ABHD18: variants seen among roughly 807,000 people sequenced by gnomAD.
ABHD18 encodes the protein abhydrolase domain containing 18.
A neutral mutation model predicts 65.9 loss-of-function variants in ABHD18; 55 were observed. That is an observed-to-expected ratio of 0.84 (90% CI 0.67 to 1.05). The LOEUF (loss-of-function observed/expected upper bound fraction) is 1.05. Among genes scored for constraint, ABHD18 ranks in the 50% least tolerant of loss-of-function variants. The pLI, the probability that ABHD18 is intolerant of heterozygous loss-of-function variation, is 0.00. For synonymous variants in ABHD18, 181 were observed against 180.2 expected, an observed-to-expected ratio of 1.00 and a Z score of -0.04; for missense variants, 533 against 558.5, an observed-to-expected ratio of 0.95 and a Z score of 0.46.
chr4:128,002,840 C>T (rs544542097), intron 4 of ABHD18, among the ~76,000 whole-genome samples: 95 of 144,768 alleles, frequency 6.6e-4, no homozygotes, highest in Middle Eastern at 9.3e-3. Flanking sequence ...GACAGTGTTT[C>T]GCCATGTTGG....
intron 7 of ABHD18, among the ~76,000 whole-genome samples, chr4:128,012,453 A>G (rs941774970): frequency 6.6e-6 from 1 of 152,122 alleles, no homozygotes; most frequent in African/African-American, 2.4e-5. Context: ...TAAATATTTG[A>G]CCCTAGACAC....
At chr4:127,980,726 G>A (rs554398667) in intron 1 of ABHD18, among the ~76,000 whole-genome samples, 2 of 150,984 alleles carry the variant, frequency 1.3e-5, no homozygotes, top group African/African-American at 4.9e-5. Flanking sequence ...TCAGGAGGCT[G>A]AGACAGGAGA....
Position 127,978,172 on chromosome 4 carries a change from G to A in ABHD18, c.-17-4767G>A, listed in dbSNP as rs566069753. Among the ~76,000 whole-genome samples, 7 of 152,102 alleles carry A rather than the reference G, an allele frequency of 4.6e-5. No individual in the cohort carries two copies. The South Asian group carries it at 1.4e-3, about 31-fold the overall frequency. ...GAAATTTAAAACAATATAGATTTTA[G>A]AACTTAATCCAAGTTTATGAAAGAC... is the stretch of plus-strand genomic sequence containing the variant. On this transcript the variant is annotated intron_variant, in intron 1 of 12. Coordinates refer to ENST00000645843, the MANE Select transcript of ABHD18 (RefSeq NM_001358451.3).
At chr4:127,996,468 G>A (rs1463081722) in intron 4 of ABHD18, among the ~76,000 whole-genome samples, 2 of 152,108 alleles carry the variant, frequency 1.3e-5, no homozygotes, top group Non-Finnish European at 2.9e-5. Context: ...CGAACAGGGA[G>A]TAGGTCACAA....
intron 1 of ABHD18, among the ~76,000 whole-genome samples, chr4:127,973,619 G>A (rs1347043152): frequency 6.6e-6 from 1 of 152,024 alleles, no homozygotes; most frequent in Non-Finnish European, 1.5e-5. Flanking sequence ...CCAGGCATAT[G>A]GCAAAGGTGA....
At chr4:128,035,474 G>C (rs1758785116) in intron 12 of ABHD18, among the ~76,000 whole-genome samples, 1 of 152,108 alleles carries the variant, frequency 6.6e-6, no homozygotes, top group South Asian at 2.1e-4. Flanking sequence ...TTGGGAGGCT[G>C]AGGCATGAGA....
In ABHD18 at chr4:127,970,607, AAAAG is replaced by A. The variant is rs1203960824; in HGVS notation, c.-18+5009_-18+5012del. 8.2e-4 allele frequency among the ~76,000 whole-genome samples: 118 copies of A among 143,586 alleles called. 1 individual carries two copies. Among genetic ancestry groups the A allele is most frequent in the African/African-American group, 3.2e-3 (109 of 33,950 alleles). The allele number at this position is 143,586 out of a possible 152,430, so 94.2% of individuals were successfully genotyped here. A position where few individuals can be genotyped will look rare whatever the true frequency, so the allele number is the denominator to read the frequency against. On this transcript the variant is annotated intron_variant, in intron 1 of 12. Transcript: ENST00000645843. ...TCTGTCTCAAAAAAAAAAAAAAAAA[AAAAG>A]AAAGAAAATAAGTGACCTATAATAT...
intron 8 of ABHD18, among the ~76,000 whole-genome samples, chr4:128,018,654 AATT>A (rs1755927383): frequency 6.6e-6 from 1 of 152,002 alleles, no homozygotes; most frequent in Non-Finnish European, 1.5e-5. Flanking sequence ...TCAAAGTAAT[AATT>A]ATTATTATAT....
intron 4 of ABHD18, 25 bp downstream of exon 4, chr4:127,989,846 A>G: frequency 2.2e-6 from 3 of 1,362,072 alleles, no homozygotes; most frequent in Non-Finnish European, 3.0e-6. Context: ...GTTCAAAAAG[A>G]TGAATACATT....
intron 1 of ABHD18, among the ~76,000 whole-genome samples, chr4:127,973,950 A>G (rs1579123857): frequency 2.0e-5 from 3 of 151,960 alleles, no homozygotes; most frequent in African/African-American, 4.8e-5. Flanking sequence ...ACAGATGAAA[A>G]TGAAGCCCAG....
intron 8 of ABHD18, 43 bp downstream of exon 8, chr4:128,017,544 T>G: frequency 6.6e-7 from 1 of 1,522,352 alleles, no homozygotes; most frequent in South Asian, 1.3e-5. Context: ...ATGTTTATGT[T>G]TGTAAGATCT....
chr4:128,030,592 A>G lies in ABHD18; in HGVS notation c.1263A>G (p.Gln421=). ...CACGAACAGGAGTTCGAAGTTTACA[A>G]GAAATTTGGCCTGGTTGTGAAATCC... ...YIPRTGVRSL[Q]EIWPGCEIRY... Residue 421 remains glutamine (Q), a synonymous_variant, in exon 12 of 13, where the codon CAA becomes CAG. Transcript: ENST00000645843. 6.2e-7 allele frequency: 1 copy of G among 1,608,498 alleles called. No individual in the cohort carries two copies. Among genetic ancestry groups the G allele is most frequent in the Non-Finnish European group, 8.5e-7 (1 of 1,179,056 alleles).
rs555616600 is a variant in ABHD18 at position 127,985,728 on chromosome 4, T to G, written c.177+1305T>G. Reference sequence around the variant, plus strand: ...TCTTACTGATCTACTACCCTTAGTTTTTAAAAATTGAGATAAAGATACCCC... The same window carrying G: ...TCTTACTGATCTACTACCCTTAGTTGTTAAAAATTGAGATAAAGATACCCC... On this transcript the variant is annotated intron_variant, in intron 3 of 12. Transcript: ENST00000645843. Among the ~76,000 whole-genome samples the G allele has an allele frequency of 2.0e-5, 3 of 152,178 alleles. No individual in the cohort carries two copies. In the East Asian group the frequency reaches 5.8e-4, roughly 29 times the overall value.
chr4:127,966,702 C>CAAAAAAAAAAA lies in ABHD18; in HGVS notation c.-18+1122_-18+1132dup, dbSNP rs70966065. Among the ~76,000 whole-genome samples, 12 of 21,540 alleles carry CAAAAAAAAAAA rather than the reference C, an allele frequency of 5.6e-4. 5 individuals are homozygous for CAAAAAAAAAAA. The highest frequency in any genetic ancestry group is 1.6e-3 in the African/African-American group (9 of 5,640). The allele number at this position is 21,540 out of a possible 152,430, so 14.1% of individuals were successfully genotyped here. ...TGAAACCCCGTCTCTACTAAAAATA[C>CAAAAAAAAAAA]AAAAAAAAAAAAAAAAAAAAAAAAA... On this transcript the variant is annotated intron_variant, in intron 1 of 12. Transcript: ENST00000645843.
chr4:127,965,680 C>G (rs1745074782), intron 1 of ABHD18, 74 bp downstream of exon 1: 1 of 176,990 alleles, frequency 5.7e-6, no homozygotes, highest in Non-Finnish European at 1.2e-5. Context: ...GTGTACGCGC[C>G]TGGAGGCAGG....
Position 128,028,804 on chromosome 4 carries a change from A to G in ABHD18, c.1131A>G (p.Ile377Met). Residue 377 changes from isoleucine to methionine, a missense_variant, in exon 11 of 13, where the codon ATA becomes ATG. Around this residue, in one of 3 missense-constraint regions of ABHD18, gnomAD observed 220 missense variants for 226.8 expected, o/e 0.97. Transcript: ENST00000645843. ...SRNSLRKESL[I>M]FMKGVMDECT... ...ACAGTCTTCGGAAAGAGTCTTTAAT[A>G]TTTATGAAAGGAGTCATGGATGAAT... 6.2e-7 allele frequency: 1 copy of G among 1,601,870 alleles called. No individual in the cohort carries two copies. Among genetic ancestry groups the G allele is most frequent in the Admixed American group, 1.8e-5 (1 of 56,292 alleles).
chr4:127,970,827 C>T (rs940447085), intron 1 of ABHD18, among the ~76,000 whole-genome samples: 1 of 151,894 alleles, frequency 6.6e-6, no homozygotes, highest in African/African-American at 2.4e-5. Context: ...GTAATCCCAG[C>T]ACTTTGGGAG....
intron 1 of ABHD18, among the ~76,000 whole-genome samples, chr4:127,971,075 CAA>C (rs201291341): frequency 0.04 from 4,373 of 109,942 alleles, 271 homozygotes; most frequent in East Asian, 0.3. Flanking sequence ...GACTCTGTCT[CAA>C]AAAAAAAAAA....
Position 128,028,831 on chromosome 4 carries a change from T to C in ABHD18, c.1158T>C (p.Cys386=). The C allele has an allele frequency of 1.3e-6, 2 of 1,566,226 alleles. No individual in the cohort carries two copies. The highest frequency in any genetic ancestry group is 1.7e-6 in the Non-Finnish European group (2 of 1,159,206). The change falls in exon 11 of 13, where the codon TGT becomes TGC. Residue 386 remains cysteine (C), a synonymous_variant. Transcript: ENST00000645843. ...TTATGAAAGGAGTCATGGATGAATG[T>C]ACTCATGTAGCAAATTTCTCAGGTA... The part of the protein sequence containing the change: ...LIFMKGVMDE[C]THVANFSVPV...
Sources: gnomAD v4.1 joint callset for allele counts (sites outside exome capture counted in the v4.1 genomes callset) on GRCh38, gnomAD v4.1.1 for gene constraint, gnomAD v4.1.1 regional missense constraint, MANE v1.5 for transcripts, NCBI Gene and HGNC (gene_info 2026-07-23, HGNC 2026-07-21) for gene names.